Variants in ARFGAP3 observed in about 807,000 individuals in gnomAD.
ARFGAP3 encodes ARF GTPase activating protein 3, also known as ADP-ribosylation factor GTPase-activating protein 3.
A neutral mutation model predicts 75.0 loss-of-function variants in ARFGAP3; 72 were observed. The ratio of observed to expected loss-of-function variants is 0.96; its 90% CI spans 0.79 to 1.17. ARFGAP3 has a LOEUF of 1.17. Among genes scored for constraint, ARFGAP3 ranks in the 50% most tolerant of loss-of-function variants. The probability of loss-of-function intolerance (pLI) is 0.00; values close to 1 mark genes in which losing one functional copy is unlikely to be tolerated. For missense variants in ARFGAP3, 620 were observed against 626.6 expected (o/e 0.99, Z 0.11); for synonymous variants, 221 against 217.9 (o/e 1.01, Z -0.13).
chr22:42,844,249 A>G (rs185468042), intron 2 of ARFGAP3, among the ~76,000 whole-genome samples: 305 of 151,934 alleles, frequency 2.0e-3, no homozygotes, highest in African/African-American at 7.2e-3. Flanking sequence ...TGTCACCCAG[A>G]CTGAAGTGAA....
At chr22:42,843,306 A>G (rs1043044236) in intron 2 of ARFGAP3, among the ~76,000 whole-genome samples, 2 of 152,196 alleles carry the variant, frequency 1.3e-5, no homozygotes, top group Non-Finnish European at 2.9e-5. Flanking sequence ...TTTCCTATGC[A>G]TACAAAAAGT....
intron 1 of ARFGAP3, among the ~76,000 whole-genome samples, chr22:42,849,594 G>C (rs117605098): frequency 0.024 from 3,362 of 141,848 alleles, 82 homozygotes; most frequent in Non-Finnish European, 0.034. Flanking sequence ...GACAAGGTCT[G>C]GCTCTGTCAC....
chr22:42,844,136 A>G (rs1388953378), intron 2 of ARFGAP3, among the ~76,000 whole-genome samples: 2 of 152,074 alleles, frequency 1.3e-5, no homozygotes, highest in Non-Finnish European at 2.9e-5. Context: ...GAGACTTTAT[A>G]TATTTTGGGG....
At chr22:42,823,794 T>C in intron 7 of ARFGAP3, 92 bp from the exon 8 acceptor site, 2 of 1,262,956 alleles carry the variant, frequency 1.6e-6, no homozygotes, top group Non-Finnish European at 2.1e-6. Flanking sequence ...CTGCACTTTA[T>C]TATTTAAGAG....
At chr22:42,817,095 C>A in intron 11 of ARFGAP3, 47 bp downstream of exon 11, 1 of 1,288,302 alleles carries the variant, frequency 7.8e-7, no homozygotes. Context: ...CCATACTAGT[C>A]ACTGCTTTTC....
chr22:42,814,027 C>T (rs1925479055), intron 11 of ARFGAP3, among the ~76,000 whole-genome samples: 1 of 152,168 alleles, frequency 6.6e-6, no homozygotes, highest in Non-Finnish European at 1.5e-5. Flanking sequence ...GAGCTATAGA[C>T]AGTTGTCTAT....
chr22:42,801,468 C>T lies in ARFGAP3; in HGVS notation c.1412-2308G>A, dbSNP rs117397351. Among the ~76,000 whole-genome samples, 627 of 152,294 alleles carry T rather than the reference C, an allele frequency of 4.1e-3. 6 individuals carry two copies. Among genetic ancestry groups the T allele is most frequent in the East Asian group, 0.029 (151 of 5,164 alleles). On this transcript the variant is annotated intron_variant, in intron 14 of 15. Transcript: ENST00000263245. ...GGGTTCTGTGCATCACAGTCACTTG[C>T]GGTCCAAGCCCATGGGGCCACCTCT...
rs1602141912 is a variant in ARFGAP3, at chr22:42,856,987, C to A, written c.69+127G>T. The A allele has an allele frequency of 2.0e-5, 19 of 969,092 alleles. No individual in the cohort carries two copies. The East Asian group carries it at 8.0e-4, about 41-fold the overall frequency. 60.0% of individuals were successfully genotyped at this position (969,092 alleles called of 1,614,324 possible). A position where few individuals can be genotyped will look rare whatever the true frequency, so the allele number is the denominator to read the frequency against. On this transcript the variant is annotated intron_variant, in intron 1 of 15. Transcript: ENST00000263245. ...CCGGCCCGGCCAGGCTGCCGCGGCC[C>A]CACAGTGCGACGTGTCACAGGCCGC...
intron 7 of ARFGAP3, 167 bp from the exon 8 acceptor site, chr22:42,823,869 T>C (rs1925920044): frequency 1.7e-6 from 1 of 577,994 alleles, no homozygotes; most frequent in Non-Finnish European, 2.2e-6. Context: ...TATTTTGGAT[T>C]AACAGAACTT....
chr22:42,840,550 G>T (rs563684655), intron 3 of ARFGAP3, among the ~76,000 whole-genome samples: 4 of 152,142 alleles, frequency 2.6e-5, no homozygotes, highest in African/African-American at 9.6e-5. Context: ...CCGAGTAGCT[G>T]GGATTACAGG....
At chr22:42,833,196 T>G (rs1021615353) in intron 5 of ARFGAP3, among the ~76,000 whole-genome samples, 6 of 152,214 alleles carry the variant, frequency 3.9e-5, no homozygotes, top group African/African-American at 1.4e-4. Flanking sequence ...TGCCAGGTAC[T>G]AAGTACTTTT....
chr22:42,806,934 TCTAC>T (rs2063520936), intron 14 of ARFGAP3, 135 bp downstream of exon 14: 3 of 854,574 alleles, frequency 3.5e-6, no homozygotes, highest in Non-Finnish European at 5.1e-6. Context: ...TAACTTCTGC[TCTAC>T]CTGACTTATA....
At chr22:42,798,329 G>A (rs535438812) in intron 15 of ARFGAP3, among the ~76,000 whole-genome samples, 35 of 152,340 alleles carry the variant, frequency 2.3e-4, no homozygotes, top group Non-Finnish European at 2.9e-4. Flanking sequence ...CTGGGGACCA[G>A]GAATCTCCTT....
At chr22:42,812,715 T>C (rs902391110) in intron 11 of ARFGAP3, among the ~76,000 whole-genome samples, 1 of 152,282 alleles carries the variant, frequency 6.6e-6, no homozygotes, top group African/African-American at 2.4e-5. Context: ...GCAGATGGTA[T>C]GATATTACAT....
chr22:42,837,826 A>T (rs1926597194), intron 3 of ARFGAP3, among the ~76,000 whole-genome samples: 2 of 151,618 alleles, frequency 1.3e-5, no homozygotes, highest in East Asian at 2.0e-4. Context: ...GACTACAGGC[A>T]TGCACCACTA....
chr22:42,807,725 C>T (rs564989785), intron 13 of ARFGAP3, among the ~76,000 whole-genome samples: 4 of 152,154 alleles, frequency 2.6e-5, no homozygotes, highest in South Asian at 2.1e-4. Flanking sequence ...AGAGGAAAGA[C>T]GTAAACCTCC....
At chr22:42,837,925 G>C (rs1177762003) in intron 3 of ARFGAP3, among the ~76,000 whole-genome samples, 1 of 151,112 alleles carries the variant, frequency 6.6e-6, no homozygotes, top group Non-Finnish European at 1.5e-5. Context: ...TCCTGCCTCG[G>C]CCTCCCAAAG....
intron 8 of ARFGAP3, among the ~76,000 whole-genome samples, chr22:42,822,685 C>T (rs559287106): frequency 6.6e-6 from 1 of 152,190 alleles, no homozygotes; most frequent in Non-Finnish European, 1.5e-5. Flanking sequence ...CACGTGTAGC[C>T]TCCAGTATAC....
At chr22:42,823,226 T>C (rs1194787961) in intron 8 of ARFGAP3, among the ~76,000 whole-genome samples, 1 of 152,092 alleles carries the variant, frequency 6.6e-6, no homozygotes, top group African/African-American at 2.4e-5. Context: ...TTAAGGAATG[T>C]GGCCAAGGTC....
Sources: allele counts gnomAD v4.1 joint callset (sites outside exome capture counted in the v4.1 genomes callset), GRCh38; gene constraint gnomAD v4.1.1; transcripts MANE v1.5; gene names NCBI Gene and HGNC (gene_info 2026-07-23, HGNC 2026-07-21).